JAK1: variants seen among roughly 807,000 people sequenced by gnomAD.
JAK1 encodes Janus kinase 1, also known as tyrosine-protein kinase JAK1.
JAK1 carries 16 observed loss-of-function variants against 136.6 expected under a neutral mutation model. That is an observed-to-expected ratio of 0.12 (90% CI 0.08 to 0.18). The LOEUF (loss-of-function observed/expected upper bound fraction) is 0.18. Ranked by LOEUF, JAK1 falls within the 10% of genes least tolerant of loss-of-function variation. The probability of loss-of-function intolerance (pLI) is 1.00; values close to 1 mark genes in which losing one functional copy is unlikely to be tolerated. For missense variants in JAK1, 859 were observed against 1,450.1 expected, an observed-to-expected ratio of 0.59 and a Z score of 6.62; for synonymous variants, 492 against 519.5, an observed-to-expected ratio of 0.95 and a Z score of 0.72.
intron 1 of JAK1, among the ~76,000 whole-genome samples, chr1:64,909,553 GCTC>G (rs1420663402): frequency 1.3e-5 from 2 of 151,976 alleles, no homozygotes; most frequent in African/African-American, 2.4e-5. Context: ...AGGCACAGTG[GCTC>G]CCGCTTGTAA....
chr1:64,921,654 A>C (rs75947201), intron 1 of JAK1, among the ~76,000 whole-genome samples: 2,465 of 152,198 alleles, frequency 0.016, 52 homozygotes, highest in African/African-American at 0.052. Context: ...CTTCTCACCA[A>C]ACTGATGTGT....
rs1337774577 is a variant in JAK1 at position 65,056,700 on chromosome 1, G to C, written c.-181+10904C>G. On this transcript the variant is annotated intron_variant, in intron 1 of 25. Coordinates refer to the JAK1 transcript ENST00000671954. The stretch of plus-strand genomic sequence containing the variant: ...GCACTTTGGGAGGCTGAGGGTAGGA[G>C]AATCACTTGAGGACAGGAGTTTGAA... 2.6e-5 allele frequency among the ~76,000 whole-genome samples: 4 copies of C among 152,148 alleles called. No individual in the cohort carries two copies. In the South Asian group the frequency reaches 8.3e-4, roughly 32 times the overall value.
chr1:64,878,703 A>G lies in JAK1; in HGVS notation c.329+322T>C, dbSNP rs74224772. On this transcript the variant is annotated intron_variant, in intron 4 of 24. Coordinates refer to ENST00000342505, the MANE Select transcript of JAK1 (RefSeq NM_002227.4). ...AAATTCACTAAATTAAATTGAATTC[A>G]TAACTGTGAATCCACTAAATTAAAT... Among the ~76,000 whole-genome samples, 538 of 151,726 alleles carry G rather than the reference A, an allele frequency of 3.5e-3. 13 individuals carry two copies. In the East Asian group the frequency reaches 0.04, roughly 11 times the overall value.
At chr1:65,052,677 G>A (rs1385767496) in intron 1 of JAK1, among the ~76,000 whole-genome samples, 1 of 151,964 alleles carries the variant, frequency 6.6e-6, no homozygotes, top group Non-Finnish European at 1.5e-5. Context: ...AGCCGGGTGT[G>A]GTGGTGGGTG....
chr1:65,016,532 G>A (rs1191233089), intron 2 of JAK1, among the ~76,000 whole-genome samples: 2 of 152,140 alleles, frequency 1.3e-5, no homozygotes, highest in African/African-American at 4.8e-5. Context: ...TAAGGTAGGA[G>A]GATCACTTCA....
chr1:65,041,087 A>G (rs1012009460), intron 2 of JAK1, among the ~76,000 whole-genome samples: 1 of 152,156 alleles, frequency 6.6e-6, no homozygotes, highest in Non-Finnish European at 1.5e-5. Flanking sequence ...CAAGTGCCCA[A>G]ACTGATGGCA....
chr1:64,845,689 C>T (rs779787306), intron 14 of JAK1, 49 bp from the exon 15 acceptor site: 2 of 1,611,884 alleles, frequency 1.2e-6, no homozygotes, highest in Non-Finnish European at 1.7e-6. Context: ...GTGGCACGGT[C>T]CTCTCCTTCA....
chr1:64,842,426 C>CTAAG lies in JAK1; in HGVS notation c.2404-829_2404-826dup, dbSNP rs750801147. On this transcript the variant is annotated intron_variant, in intron 17 of 24. Coordinates refer to ENST00000342505, the MANE Select transcript of JAK1 (RefSeq NM_002227.4). ...ACTTCATAGCTGGACTCCAAGGGTA[C>CTAAG]TAAGTTCCTCTCTGGTCCCCGTGGG... Among the ~76,000 whole-genome samples the CTAAG allele has an allele frequency of 1.2e-4, 17 of 136,256 alleles. 5 individuals carry two copies. The allele number at this position is 136,256 out of a possible 152,430, so 89.4% of individuals were successfully genotyped here.
chr1:65,018,236 A>C (rs1646906139), intron 2 of JAK1, among the ~76,000 whole-genome samples: 1 of 152,190 alleles, frequency 6.6e-6, no homozygotes, highest in Non-Finnish European at 1.5e-5. Flanking sequence ...ATTAGAAAAG[A>C]AAAAAGGCTA....
chr1:64,857,954 G>A (rs752996423), intron 9 of JAK1, among the ~76,000 whole-genome samples, 175 bp from the exon 10 acceptor site: 3 of 152,150 alleles, frequency 2.0e-5, no homozygotes, highest in Non-Finnish European at 4.4e-5. Context: ...CGGAAATACC[G>A]AGTGGCCTCA....
intron 1 of JAK1, among the ~76,000 whole-genome samples, chr1:64,964,514 G>T (rs1003281023): frequency 2.0e-5 from 3 of 152,170 alleles, no homozygotes; most frequent in African/African-American, 7.2e-5. Flanking sequence ...TTTAGGAAAT[G>T]TTTGAATTAT....
intron 20 of JAK1, among the ~76,000 whole-genome samples, chr1:64,838,808 T>G (rs1370782715): frequency 6.6e-6 from 1 of 152,210 alleles, no homozygotes; most frequent in Non-Finnish European, 1.5e-5. Context: ...CTCACTGAGA[T>G]AACAGTCAGA....
chr1:64,872,742 C>A (rs890761609), intron 5 of JAK1, among the ~76,000 whole-genome samples: 3 of 151,724 alleles, frequency 2.0e-5, no homozygotes, highest in Non-Finnish European at 4.4e-5. Context: ...ATTTGAAGGA[C>A]AAACAATAAA....
intron 1 of JAK1, among the ~76,000 whole-genome samples, chr1:64,931,726 T>C (rs1238341189): frequency 2.0e-5 from 3 of 152,104 alleles, no homozygotes; most frequent in Non-Finnish European, 4.4e-5. Flanking sequence ...AATGGTAAAT[T>C]GTTACAAAAT....
At chr1:64,993,194 T>A (rs1646673855) in intron 2 of JAK1, 1 of 152,230 alleles carries the variant, frequency 6.6e-6, no homozygotes, top group Admixed American at 6.5e-5. Flanking sequence ...GGACACAATG[T>A]TGCATACATG....
intron 2 of JAK1, chr1:65,002,593 A>C (rs1233076016): frequency 6.6e-6 from 1 of 152,282 alleles, no homozygotes; most frequent in Non-Finnish European, 1.5e-5. Flanking sequence ...TCAGTAACGC[A>C]GCGCTGAGGA....
intron 1 of JAK1, among the ~76,000 whole-genome samples, chr1:65,046,152 T>C (rs1647181154): frequency 6.6e-6 from 1 of 152,222 alleles, no homozygotes; most frequent in East Asian, 1.9e-4. Flanking sequence ...GACATCACTA[T>C]TATTTTTCAT....
intron 4 of JAK1, among the ~76,000 whole-genome samples, chr1:64,873,881 T>G (rs992563474): frequency 1.3e-5 from 2 of 152,202 alleles, no homozygotes; most frequent in Non-Finnish European, 2.9e-5. Context: ...CTAAGCCCAT[T>G]CTACCTCGAA....
intron 1 of JAK1, among the ~76,000 whole-genome samples, chr1:64,903,331 G>C (rs1197155268): frequency 6.6e-6 from 1 of 152,116 alleles, no homozygotes; most frequent in Non-Finnish European, 1.5e-5. Context: ...CTGGCCCAAA[G>C]TCTGTAAACT....
Sources: allele counts gnomAD v4.1 joint callset (sites outside exome capture counted in the v4.1 genomes callset), GRCh38; gene constraint gnomAD v4.1.1; transcripts MANE v1.5; gene names NCBI Gene and HGNC (gene_info 2026-07-23, HGNC 2026-07-21).